The following UNC5C variants were observed in gnomAD, a reference collection of about 807,000 sequenced individuals.
UNC5C encodes the protein unc-5 netrin receptor C, also known as netrin receptor UNC5C.
A neutral mutation model predicts 99.8 loss-of-function variants in UNC5C; 47 were observed. The observed-to-expected ratio is 0.47, with a 90% CI of 0.37 to 0.60. UNC5C has a LOEUF of 0.60. UNC5C is among the 20% of genes least tolerant of loss of function. The pLI is 0.00. For missense variants in UNC5C, 1,062 were observed against 1,165.9 expected, an observed-to-expected ratio of 0.91 and a Z score of 1.30; for synonymous variants, 487 against 452.2, an observed-to-expected ratio of 1.08 and a Z score of -0.98.
At chr4:95,225,339 G>A (rs1046676084) in intron 7 of UNC5C, among the ~76,000 whole-genome samples, 1 of 152,118 alleles carries the variant, frequency 6.6e-6, no homozygotes, top group Non-Finnish European at 1.5e-5. Context: ...TTACAGGCCC[G>A]AGTCACTGCA....
chr4:95,532,721 T>C (rs17385879), intron 1 of UNC5C, among the ~76,000 whole-genome samples: 51,160 of 151,892 alleles, frequency 0.34, 10,284 homozygotes, highest in Middle Eastern at 0.49. Context: ...GCAAGGTGGC[T>C]TGTGAGAAAA....
At chr4:95,439,554 T>A (rs1401636499) in intron 1 of UNC5C, among the ~76,000 whole-genome samples, 1 of 152,180 alleles carries the variant, frequency 6.6e-6, no homozygotes, top group Non-Finnish European at 1.5e-5. Flanking sequence ...GAAGGAAACC[T>A]TCCAAAAACA....
chr4:95,453,120 C>A (rs1441955576), intron 1 of UNC5C, among the ~76,000 whole-genome samples: 1 of 152,138 alleles, frequency 6.6e-6, no homozygotes, highest in East Asian at 1.9e-4. Flanking sequence ...AGTTATCTCA[C>A]TCTAACACTG....
intron 1 of UNC5C, among the ~76,000 whole-genome samples, chr4:95,424,508 T>TTTTC (rs1746408131): frequency 4.8e-5 from 7 of 144,984 alleles, no homozygotes; most frequent in African/African-American, 1.5e-4. Context: ...CAGAATTTTT[T>TTTTC]TTTTCTTTTC....
intron 7 of UNC5C, among the ~76,000 whole-genome samples, chr4:95,232,741 A>G (rs770566411): frequency 1.8e-4 from 28 of 152,360 alleles, no homozygotes; most frequent in Non-Finnish European, 3.4e-4. Context: ...ATGTTTTACC[A>G]GAAAGGAAAA....
intron 4 of UNC5C, among the ~76,000 whole-genome samples, chr4:95,255,196 T>C (rs562690637): frequency 6.6e-6 from 1 of 152,114 alleles, no homozygotes; most frequent in Non-Finnish European, 1.5e-5. Context: ...GCCAGGCTAG[T>C]TTCGAACTCC....
intron 7 of UNC5C, among the ~76,000 whole-genome samples, chr4:95,232,063 A>G (rs34656389): frequency 0.44 from 67,461 of 151,912 alleles, 15,770 homozygotes; most frequent in East Asian, 0.71. Context: ...GATAATTAAC[A>G]TCCCAGGATG....
At chr4:95,451,502 T>C (rs1286919894) in intron 1 of UNC5C, among the ~76,000 whole-genome samples, 1 of 152,218 alleles carries the variant, frequency 6.6e-6, no homozygotes, top group Non-Finnish European at 1.5e-5. Context: ...ACCCTAATAG[T>C]TACTATTTGG....
chr4:95,333,687 A>G (rs1055626289), intron 2 of UNC5C, among the ~76,000 whole-genome samples: 20 of 152,136 alleles, frequency 1.3e-4, no homozygotes, highest in Non-Finnish European at 2.6e-4. Flanking sequence ...TAACCTGCAC[A>G]TTGTGCACAT....
At position 95,178,875 on chromosome 4, in the gene UNC5C, A is replaced by G. The variant is rs1164342288; in HGVS notation, c.2451+4022T>C. 2.0e-5 allele frequency among the ~76,000 whole-genome samples: 3 copies of G among 152,114 alleles called. No homozygotes were observed. The East Asian group carries it at 5.8e-4, about 29-fold the overall frequency. ...TTTCTGTGTAGATGAAACAAGCTCA[A>G]TAGGGCATCATTTCTTTGTTTCTTT... On this transcript the variant is annotated intron_variant, in intron 14 of 15. Transcript: ENST00000453304.
At chr4:95,535,911 A>G (rs975482388) in intron 1 of UNC5C, among the ~76,000 whole-genome samples, 2 of 151,998 alleles carry the variant, frequency 1.3e-5, no homozygotes, top group Non-Finnish European at 2.9e-5. Flanking sequence ...GACTTAAAGC[A>G]TTCACTCAAG....
chr4:95,343,869 T>C (rs1388417839), intron 1 of UNC5C, among the ~76,000 whole-genome samples: 1 of 151,848 alleles, frequency 6.6e-6, no homozygotes, highest in Non-Finnish European at 1.5e-5. Context: ...TGAAGTCGGG[T>C]TATTTGAAAG....
At chr4:95,429,634 G>C (rs1214437557) in intron 1 of UNC5C, among the ~76,000 whole-genome samples, 1 of 151,996 alleles carries the variant, frequency 6.6e-6, no homozygotes, top group East Asian at 1.9e-4. Flanking sequence ...GAATCAGATC[G>C]GGGCCAAAGA....
intron 1 of UNC5C, among the ~76,000 whole-genome samples, chr4:95,342,813 G>A (rs1430555790): frequency 6.6e-6 from 1 of 151,616 alleles, no homozygotes; most frequent in Non-Finnish European, 1.5e-5. Context: ...TGAAGGAAGA[G>A]TCACCACAAG....
rs890599454 is a variant in UNC5C, at chr4:95,188,737, A to G, written c.2137-3541T>C. 3.0e-4 allele frequency among the ~76,000 whole-genome samples: 45 copies of G among 152,316 alleles called. 1 individual carries two copies. The highest frequency in any genetic ancestry group is 1.9e-4 in the East Asian group (1 of 5,172). ...CAATAAGACATGGCTTTACAGTTCA[A>G]TGTTTTCCTCTGCTTCCTCTCCCTG... On this transcript the variant is annotated intron_variant, in intron 12 of 15. Coordinates refer to ENST00000453304, the MANE Select transcript of UNC5C (RefSeq NM_003728.4).
At chr4:95,512,825 A>G (rs1722113943) in intron 1 of UNC5C, among the ~76,000 whole-genome samples, 1 of 152,156 alleles carries the variant, frequency 6.6e-6, no homozygotes, top group Middle Eastern at 3.2e-3. Context: ...AGTTTGTTTA[A>G]TTGATAAGAA....
At chr4:95,519,112 C>T (rs1006395622) in intron 1 of UNC5C, among the ~76,000 whole-genome samples, 12 of 152,026 alleles carry the variant, frequency 7.9e-5, no homozygotes, top group African/African-American at 2.9e-4. Context: ...GGAAATGTTG[C>T]TTCAAGACAT....
chr4:95,429,880 A>G (rs1746585114), intron 1 of UNC5C, among the ~76,000 whole-genome samples: 1 of 152,128 alleles, frequency 6.6e-6, no homozygotes, highest in Non-Finnish European at 1.5e-5. Context: ...ACTTACATGC[A>G]TACCACTAAG....
chr4:95,359,741 C>T (rs759150804), intron 1 of UNC5C, among the ~76,000 whole-genome samples: 1 of 152,008 alleles, frequency 6.6e-6, no homozygotes, highest in Non-Finnish European at 1.5e-5. Flanking sequence ...CATGACACTG[C>T]CTCCCAAAAT....
Sources: allele counts gnomAD v4.1 joint callset (sites outside exome capture counted in the v4.1 genomes callset), GRCh38; gene constraint gnomAD v4.1.1; transcripts MANE v1.5; gene names NCBI Gene and HGNC (gene_info 2026-07-23, HGNC 2026-07-21).